Variants in ERG observed in about 807,000 individuals in gnomAD.
ERG encodes transcriptional regulator ERG.
Under a neutral mutation model 55.3 loss-of-function variants are expected in ERG, and 9 were observed. The observed-to-expected ratio is 0.16, with a 90% CI of 0.10 to 0.28. The LOEUF (loss-of-function observed/expected upper bound fraction) is 0.28. Among genes scored for constraint, ERG ranks in the 10% least tolerant of loss-of-function variants. The pLI is 1.00. For missense variants in ERG, 434 were observed against 631.6 expected, an observed-to-expected ratio of 0.69 and a Z score of 3.35; for synonymous variants, 223 against 237.3, an observed-to-expected ratio of 0.94 and a Z score of 0.55.
chr21:38,554,208 A>T (rs1168747982), intron 2 of ERG, among the ~76,000 whole-genome samples: 1 of 152,188 alleles, frequency 6.6e-6, no homozygotes, highest in Non-Finnish European at 1.5e-5. Context: ...GCAGAGAAAA[A>T]GGAACAGTTA....
chr21:38,474,830 C>A (rs2059172942), intron 1 of ERG, among the ~76,000 whole-genome samples: 1 of 151,934 alleles, frequency 6.6e-6, no homozygotes, highest in Non-Finnish European at 1.5e-5. Flanking sequence ...TAATTTATCT[C>A]ACTTTTCTCA....
At chr21:38,452,474 A>G (rs2008887) in intron 1 of ERG, among the ~76,000 whole-genome samples, 131,543 of 152,190 alleles carry the variant, frequency 0.86, 57,650 homozygotes, top group South Asian at 0.98. Flanking sequence ...AATATCATAC[A>G]TATGTATACA....
At chr21:38,462,394 C>T (rs911485355) in intron 1 of ERG, among the ~76,000 whole-genome samples, 2 of 152,066 alleles carry the variant, frequency 1.3e-5, no homozygotes, top group African/African-American at 4.8e-5. Context: ...GAATCCTCAA[C>T]CAATCTTAAG....
intron 2 of ERG, among the ~76,000 whole-genome samples, chr21:38,544,980 C>G (rs1294786373): frequency 1.3e-5 from 2 of 152,170 alleles, no homozygotes; most frequent in African/African-American, 4.8e-5. Flanking sequence ...CGCTCTTGGT[C>G]TTCTTTCTCC....
chr21:38,451,249 T>A, intron 1 of ERG: 1 of 499,026 alleles, frequency 2.0e-6, no homozygotes, highest in Non-Finnish European at 4.0e-6. Context: ...TGGGAACCAG[T>A]AAGGACTTCT....
intron 2 of ERG, among the ~76,000 whole-genome samples, chr21:38,442,605 T>C (rs1707087503): frequency 6.6e-6 from 1 of 152,094 alleles, no homozygotes; most frequent in African/African-American, 2.4e-5. Flanking sequence ...TTCTTTCTTA[T>C]AGACTGTAGC....
intron 1 of ERG, among the ~76,000 whole-genome samples, chr21:38,610,526 C>CGTGTGTGTGTGTGT (rs148197703): frequency 6.6e-6 from 1 of 150,384 alleles, no homozygotes; most frequent in African/African-American, 2.5e-5. Flanking sequence ...CGCGCACGCG[C>CGTGTGTGTGTGTGT]GTGTGTGTGT....
At chr21:38,465,818 ATACTGAATATGTCACTGT>A (rs2059083696) in intron 1 of ERG, among the ~76,000 whole-genome samples, 1 of 152,238 alleles carries the variant, frequency 6.6e-6, no homozygotes, top group Non-Finnish European at 1.5e-5. Flanking sequence ...TGGTTCTCCG[ATACTGAATATGTCACTGT>A]GAATATCTCA....
At chr21:38,429,708 T>C (rs1298500520) in intron 2 of ERG, among the ~76,000 whole-genome samples, 1 of 114,070 alleles carries the variant, frequency 8.8e-6, no homozygotes, top group South Asian at 3.4e-4. Context: ...TGTATATGTG[T>C]GTGCATATAT....
chr21:38,598,908 A>C (rs1265038391), intron 1 of ERG, among the ~76,000 whole-genome samples: 1 of 152,214 alleles, frequency 6.6e-6, no homozygotes, highest in Non-Finnish European at 1.5e-5. Flanking sequence ...ATTCCTTCAG[A>C]GAAAGTTTCA....
intron 2 of ERG, among the ~76,000 whole-genome samples, chr21:38,425,245 A>G (rs1989763581): frequency 6.6e-6 from 1 of 151,980 alleles, no homozygotes; most frequent in Non-Finnish European, 1.5e-5. Context: ...TAGCTGGGCA[A>G]GTGGTGGTGC....
In ERG at chr21:38,447,948, A is replaced by G. The variant is rs2058907072; in HGVS notation, c.19-2327T>C. Reference sequence around the variant, plus strand: ...ATATAAGAAACAGGCTAAATTTAAAATTACAAACTAAAAAGGAAATGGCTG... The same window carrying G: ...ATATAAGAAACAGGCTAAATTTAAAGTTACAAACTAAAAAGGAAATGGCTG... On this transcript the variant is annotated intron_variant, in intron 1 of 9. Coordinates refer to ENST00000288319, the MANE Select transcript of ERG (RefSeq NM_182918.4). Among the ~76,000 whole-genome samples, 3 of 152,200 alleles carry G rather than the reference A, an allele frequency of 2.0e-5. No homozygotes were observed. In the South Asian group the frequency reaches 6.2e-4, roughly 31 times the overall value.
At chr21:38,545,068 T>C (rs2059779619) in intron 2 of ERG, among the ~76,000 whole-genome samples, 1 of 152,192 alleles carries the variant, frequency 6.6e-6, no homozygotes, top group South Asian at 2.1e-4. Context: ...ACAAATCTCA[T>C]AATTTTTAAA....
intron 1 of ERG, among the ~76,000 whole-genome samples, chr21:38,476,995 T>C (rs984415902): frequency 5.4e-5 from 8 of 149,082 alleles, no homozygotes; most frequent in Non-Finnish European, 1.2e-4. Context: ...TCTTTTTTCT[T>C]TTCTTTCTTT....
intron 2 of ERG, among the ~76,000 whole-genome samples, chr21:38,543,364 T>TTTAA (rs1555856204): frequency 2.1e-4 from 32 of 149,028 alleles, no homozygotes; most frequent in Admixed American, 1.0e-3. Flanking sequence ...TGTTTTTTTT[T>TTTAA]AAAAAAAAAG....
At chr21:38,600,236 C>G (rs557241928) in intron 1 of ERG, among the ~76,000 whole-genome samples, 1 of 152,186 alleles carries the variant, frequency 6.6e-6, no homozygotes, top group East Asian at 1.9e-4. Flanking sequence ...TAAGTGAAAA[C>G]ACCCAGGTTT....
intron 1 of ERG, among the ~76,000 whole-genome samples, chr21:38,580,721 A>G (rs2060023281): frequency 1.3e-5 from 2 of 152,240 alleles, no homozygotes; most frequent in Admixed American, 6.5e-5. Context: ...CTTACTAAAT[A>G]GAAACAAACT....
rs986199557 is a variant in ERG at position 38,517,372 on chromosome 21, T to C, written c.-41+58290A>G. On this transcript the variant is annotated intron_variant, in intron 2 of 8. Coordinates refer to the ERG transcript ENST00000398897. ...TATGAAAAAAAATACTCAATATCAC[T>C]AATCATCAGGGAAATGCAAATCAAA... is the stretch of plus-strand genomic sequence containing the variant. 2.6e-5 allele frequency among the ~76,000 whole-genome samples: 4 copies of C among 152,188 alleles called. No individual in the cohort carries two copies. The South Asian group carries it at 6.2e-4, about 24-fold the overall frequency.
chr21:38,607,237 G>T (rs2060201561), intron 1 of ERG, among the ~76,000 whole-genome samples: 1 of 152,144 alleles, frequency 6.6e-6, no homozygotes, highest in Admixed American at 6.5e-5. Flanking sequence ...TTGAGGGAAA[G>T]ACCAAAAGAT....
Sources: gnomAD v4.1 joint callset for allele counts (sites outside exome capture counted in the v4.1 genomes callset) on GRCh38, gnomAD v4.1.1 for gene constraint, MANE v1.5 for transcripts, NCBI Gene and HGNC (gene_info 2026-07-23, HGNC 2026-07-21) for gene names.